SEC23A: variants seen among roughly 807,000 people sequenced by gnomAD.
SEC23A encodes the protein SEC23 homolog A, COPII component.
In SEC23A, 56 loss-of-function variants were observed where a neutral mutation model predicts 103.7. The ratio of observed to expected loss-of-function variants is 0.54; its 90% CI spans 0.44 to 0.67. The LOEUF (loss-of-function observed/expected upper bound fraction) is 0.67. SEC23A is among the 30% of genes least tolerant of loss of function. SEC23A has a pLI of 0.00. For missense variants in SEC23A, 784 were observed against 936.4 expected, an observed-to-expected ratio of 0.84 and a Z score of 2.12; for synonymous variants, 281 against 293.0, an observed-to-expected ratio of 0.96 and a Z score of 0.42.
intron 5 of SEC23A, 109 bp downstream of exon 5, chr14:39,091,368 A>G: frequency 1.3e-6 from 1 of 752,070 alleles, no homozygotes; most frequent in Non-Finnish European, 2.3e-6. Flanking sequence ...TAATACAATT[A>G]TATTAGTTAT....
At chr14:39,055,847 C>A (rs1159083419) in intron 13 of SEC23A, among the ~76,000 whole-genome samples, 3 of 152,224 alleles carry the variant, frequency 2.0e-5, no homozygotes, top group South Asian at 2.1e-4. Flanking sequence ...TATGAGTTTA[C>A]AGATTCCTGT....
intron 16 of SEC23A, 78 bp from the exon 17 acceptor site, chr14:39,042,950 G>T: frequency 4.3e-6 from 4 of 929,572 alleles, no homozygotes; most frequent in Non-Finnish European, 6.8e-6. Flanking sequence ...ATGTTTCCAG[G>T]TTATTTTCCA....
At chr14:39,043,143 G>C (rs6571888) in intron 16 of SEC23A, among the ~76,000 whole-genome samples, 1 of 151,894 alleles carries the variant, frequency 6.6e-6, no homozygotes, top group African/African-American at 2.4e-5. Context: ...TGTCCAGCTA[G>C]TTTTTTCATT....
chr14:39,074,344 T>C, intron 9 of SEC23A, 71 bp downstream of exon 9: 1 of 967,748 alleles, frequency 1.0e-6, no homozygotes, highest in Non-Finnish European at 1.7e-6. Flanking sequence ...TAAATGGTCA[T>C]TATTGGTTTA....
chr14:39,051,995 T>C (rs1183637315), intron 14 of SEC23A, among the ~76,000 whole-genome samples: 1 of 150,638 alleles, frequency 6.6e-6, no homozygotes, highest in Non-Finnish European at 1.5e-5. Context: ...AACCAGATCA[T>C]GTCCTTTGCA....
chr14:39,061,081 CTAA>C (rs1450941365), intron 13 of SEC23A, among the ~76,000 whole-genome samples: 2 of 152,048 alleles, frequency 1.3e-5, no homozygotes, highest in Non-Finnish European at 2.9e-5. Flanking sequence ...TCTTATTAAT[CTAA>C]TAATATAAAA....
At chr14:39,102,432 T>C (rs755024599) in intron 1 of SEC23A, among the ~76,000 whole-genome samples, 6 of 152,128 alleles carry the variant, frequency 3.9e-5, no homozygotes, top group Non-Finnish European at 7.4e-5. Context: ...CCCACTTCAG[T>C]GATTGATGTA....
At chr14:39,094,472 G>T (rs1887819761) in intron 2 of SEC23A, among the ~76,000 whole-genome samples, 1 of 115,576 alleles carries the variant, frequency 8.7e-6, no homozygotes, top group Admixed American at 1.2e-4. Flanking sequence ...CCCTCCTGTA[G>T]AAATGGAGTC....
intron 3 of SEC23A, 68 bp from the exon 4 acceptor site, chr14:39,092,695 CA>C: frequency 1.2e-6 from 1 of 866,224 alleles, no homozygotes; most frequent in Non-Finnish European, 1.9e-6. Context: ...AAATTTTAAA[CA>C]AAGTATTTCC....
intron 6 of SEC23A, 77 bp from the exon 7 acceptor site, chr14:39,085,983 T>TAAAAATAG: frequency 7.7e-7 from 1 of 1,296,112 alleles, no homozygotes; most frequent in Admixed American, 1.7e-5. Flanking sequence ...TTCACTTTCC[T>TAAAAATAG]AAAAATAGAA....
intron 1 of SEC23A, among the ~76,000 whole-genome samples, chr14:39,098,311 G>C (rs1371304531): frequency 6.6e-6 from 1 of 152,020 alleles, no homozygotes; most frequent in African/African-American, 2.4e-5. Flanking sequence ...CCAGTTTTTA[G>C]CAACAGCTTC....
intron 9 of SEC23A, among the ~76,000 whole-genome samples, chr14:39,071,893 G>C (rs547335531): frequency 6.6e-6 from 1 of 151,976 alleles, no homozygotes; most frequent in East Asian, 1.9e-4. Flanking sequence ...GCATGAAATA[G>C]GTTTCATCAA....
At chr14:39,059,253 G>A (rs1218760315) in intron 13 of SEC23A, among the ~76,000 whole-genome samples, 2 of 115,738 alleles carry the variant, frequency 1.7e-5, no homozygotes, top group Non-Finnish European at 3.3e-5. Flanking sequence ...CACTTGTCTA[G>A]GCCCCTAAAG....
intron 12 of SEC23A, among the ~76,000 whole-genome samples, chr14:39,062,575 TATA>T (rs1349704198): frequency 8.5e-5 from 13 of 152,144 alleles, no homozygotes; most frequent in African/African-American, 1.4e-4. Context: ...AATAGCAATA[TATA>T]ATAATTATCA....
In SEC23A at chr14:39,032,457, T is replaced by C. The variant is rs1179152975; in HGVS notation, c.*782A>G. Reference sequence around the variant, plus strand: ...AAAACCATGCTGTGAAAACTAAATTTGGTTTAGTAGTTACAACCGTCATTT... The same window carrying C: ...AAAACCATGCTGTGAAAACTAAATTCGGTTTAGTAGTTACAACCGTCATTT... On this transcript the variant is annotated 3_prime_UTR_variant, in exon 20 of 20. Coordinates refer to ENST00000307712, the MANE Select transcript of SEC23A (RefSeq NM_006364.4). The C allele has an allele frequency of 2.0e-5, 3 of 152,648 alleles. No homozygotes were observed. The highest frequency in any genetic ancestry group is 4.4e-5 in the Non-Finnish European group (3 of 68,026). 9.5% of individuals were successfully genotyped at this position (152,648 alleles called of 1,614,324 possible). A position where few individuals can be genotyped will look rare whatever the true frequency, so the allele number is the denominator to read the frequency against.
At chr14:39,102,052 T>G (rs1479443114) in intron 1 of SEC23A, among the ~76,000 whole-genome samples, 2 of 152,014 alleles carry the variant, frequency 1.3e-5, no homozygotes, top group Admixed American at 6.6e-5. Context: ...GCCAACATGG[T>G]GAAACCCCGT....
intron 5 of SEC23A, chr14:39,091,019 C>T: frequency 2.6e-6 from 1 of 383,802 alleles, no homozygotes; most frequent in East Asian, 7.4e-5. Context: ...ACTGCTGCCC[C>T]AGCTGAGGAA....
At chr14:39,061,985 G>A (rs1412570358) in intron 12 of SEC23A, 114 bp from the exon 13 acceptor site, 2 of 737,604 alleles carry the variant, frequency 2.7e-6, no homozygotes, top group East Asian at 5.2e-5. Context: ...TGATTAGAAG[G>A]ATACTTATTT....
chr14:39,088,582 A>C (rs189739371), intron 5 of SEC23A: 1 of 152,204 alleles, frequency 6.6e-6, no homozygotes, highest in Non-Finnish European at 1.5e-5. Flanking sequence ...AAAATACAAA[A>C]ATTAGTAAGG....
Sources: allele counts gnomAD v4.1 joint callset (sites outside exome capture counted in the v4.1 genomes callset), GRCh38; gene constraint gnomAD v4.1.1; transcripts MANE v1.5; gene names NCBI Gene and HGNC (gene_info 2026-07-23, HGNC 2026-07-21).